DAB1: variants seen among roughly 807,000 people sequenced by gnomAD.
The protein encoded by DAB1 is DAB adaptor protein 1.
DAB1 carries 15 observed loss-of-function variants against 64.6 expected under a neutral mutation model. The ratio of observed to expected loss-of-function variants is 0.23; its 90% CI spans 0.16 to 0.36. The LOEUF (loss-of-function observed/expected upper bound fraction) is 0.36. Ranked by LOEUF, DAB1 falls within the 10% of genes least tolerant of loss-of-function variation. DAB1 has a pLI of 1.00. For synonymous variants in DAB1, 235 were observed against 251.9 expected, an observed-to-expected ratio of 0.93 and a Z score of 0.64; for missense variants, 596 against 706.7, an observed-to-expected ratio of 0.84 and a Z score of 1.78.
At chr1:57,823,482 G>C (rs1652212935), downstream of DAB1, among the ~76,000 whole-genome samples, 1 of 152,046 alleles carries the variant, frequency 6.6e-6, no homozygotes. Flanking sequence ...TTCTGGAGAA[G>C]ACGAAGCAGG....
chr1:57,837,848 C>A lies in DAB1; in HGVS notation n.88-11393G>T, dbSNP rs1020197108. Among the ~76,000 whole-genome samples the A allele has an allele frequency of 2.7e-5, 4 of 147,072 alleles. No homozygotes were observed. The Admixed American group carries it at 2.8e-4, about 10-fold the overall frequency. On this transcript the variant is annotated intron_variant and non_coding_transcript_variant, in intron 1 of 1. Coordinates refer to the DAB1 transcript ENST00000477280. ...CCTCCGCCCCCACCACCATTACTAC[C>A]ACCATCTCCACCATTTCCGCTCCCA...
chr1:57,085,593 G>A (rs1345357615), intron 4 of DAB1, among the ~76,000 whole-genome samples: 5 of 152,206 alleles, frequency 3.3e-5, no homozygotes, highest in Admixed American at 3.3e-4. Context: ...AGGGAGGTCA[G>A]GTGTCTTTGT....
At chr1:58,424,280 A>G (rs1419893334) in intron 3 of DAB1, among the ~76,000 whole-genome samples, 2 of 152,220 alleles carry the variant, frequency 1.3e-5, no homozygotes, top group Non-Finnish European at 2.9e-5. Flanking sequence ...TGAGTGGATG[A>G]GGCCCACCCA....
chr1:57,499,237 G>C (rs1644263383), intron 7 of DAB1, among the ~76,000 whole-genome samples: 1 of 152,194 alleles, frequency 6.6e-6, no homozygotes, highest in South Asian at 2.1e-4. Context: ...GCCTCCCAAA[G>C]TGCCAGGATT....
At chr1:58,250,218 C>T (rs1235712689) in intron 4 of DAB1, among the ~76,000 whole-genome samples, 1 of 152,194 alleles carries the variant, frequency 6.6e-6, no homozygotes, top group Non-Finnish European at 1.5e-5. Context: ...CCGCGGCGGG[C>T]GGGCGCAACA....
intron 5 of DAB1, among the ~76,000 whole-genome samples, 177 bp downstream of exon 5, chr1:57,072,106 C>A (rs537421889): frequency 6.7e-6 from 1 of 150,270 alleles, no homozygotes; most frequent in African/African-American, 2.4e-5. Context: ...TGGGTATGAG[C>A]ATGTTTCCTT....
chr1:57,877,343 G>A (rs1293727282), intron 1 of DAB1, among the ~76,000 whole-genome samples: 9 of 152,022 alleles, frequency 5.9e-5, no homozygotes, highest in Admixed American at 3.3e-4. Context: ...CTGAGTTTGC[G>A]TAAGTCTTGA....
intron 4 of DAB1, among the ~76,000 whole-genome samples, chr1:57,130,257 T>C (rs557166508): frequency 1.3e-5 from 2 of 152,308 alleles, no homozygotes; most frequent in South Asian, 4.1e-4. Flanking sequence ...CTCTGCACTA[T>C]TCTAAGTCTT....
chr1:58,231,184 G>A lies in DAB1; in HGVS notation n.310-80596C>T, dbSNP rs549518355. Among the ~76,000 whole-genome samples, 13 of 152,314 alleles carry A rather than the reference G, an allele frequency of 8.5e-5. No homozygotes were observed. In the East Asian group the frequency reaches 2.1e-3, roughly 25 times the overall value. On this transcript the variant is annotated intron_variant and non_coding_transcript_variant, in intron 4 of 20. Coordinates refer to the DAB1 transcript ENST00000485760. ...ATTGTATATATGAGGAAACTGAGTCGAGAGAGTGTGAGTGAGTGAATTAGC... is the reference window on the plus strand; with the variant it reads ...ATTGTATATATGAGGAAACTGAGTCAAGAGAGTGTGAGTGAGTGAATTAGC...
chr1:57,808,367 G>A (rs924885694), intron 6 of DAB1, among the ~76,000 whole-genome samples: 5 of 152,066 alleles, frequency 3.3e-5, no homozygotes, highest in African/African-American at 9.7e-5. Flanking sequence ...CAGAGCACTC[G>A]GTACCCTGTA....
chr1:57,206,764 T>C (rs1174375452), intron 2 of DAB1, among the ~76,000 whole-genome samples: 2 of 152,120 alleles, frequency 1.3e-5, no homozygotes, highest in Admixed American at 6.5e-5. Flanking sequence ...AGGCAATATG[T>C]AGAAACAGAA....
intron 2 of DAB1, among the ~76,000 whole-genome samples, chr1:57,151,926 G>A (rs893309568): frequency 8.3e-5 from 12 of 144,776 alleles, no homozygotes; most frequent in South Asian, 2.2e-4. Context: ...CGATTCTCCC[G>A]CCTCAGCCTC....
intron 5 of DAB1, among the ~76,000 whole-genome samples, chr1:57,933,789 A>T (rs1457941451): frequency 6.6e-6 from 1 of 152,192 alleles, no homozygotes; most frequent in Admixed American, 6.5e-5. Context: ...CAGTTTTATA[A>T]GAAACTAACA....
At chr1:58,228,866 A>C (rs1659640081) in intron 4 of DAB1, 3 of 580,158 alleles carry the variant, frequency 5.2e-6, no homozygotes, top group African/African-American at 1.9e-5. Context: ...CCAGCAGGAC[A>C]GAGGCCCAGA....
intron 5 of DAB1, among the ~76,000 whole-genome samples, chr1:57,932,734 G>A (rs1359068841): frequency 6.6e-6 from 1 of 152,038 alleles, no homozygotes; most frequent in East Asian, 1.9e-4. Flanking sequence ...AAATCTGCTA[G>A]GCCCAAAATT....
intron 4 of DAB1, among the ~76,000 whole-genome samples, chr1:57,086,566 G>A (rs3754260): frequency 0.17 from 25,721 of 151,520 alleles, 2,890 homozygotes; most frequent in East Asian, 0.53. Flanking sequence ...CCTAATCCCT[G>A]CTTCCTGGTC....
intron 6 of DAB1, among the ~76,000 whole-genome samples, chr1:57,669,316 T>C (rs137901050): frequency 6.6e-6 from 1 of 152,272 alleles, no homozygotes; most frequent in Non-Finnish European, 1.5e-5. Flanking sequence ...TGTAAACTGA[T>C]ATTACACCTA....
chr1:57,842,834 C>T (rs890964005), intron 1 of DAB1, among the ~76,000 whole-genome samples: 1 of 152,194 alleles, frequency 6.6e-6, no homozygotes, highest in African/African-American at 2.4e-5. Context: ...CAGAGCCAAA[C>T]CATATCACTT....
At position 58,003,661 on chromosome 1, in the gene DAB1, G is replaced by C. The variant is rs114617251; in HGVS notation, n.388-119499C>G. Among the ~76,000 whole-genome samples the C allele has an allele frequency of 3.4e-3, 511 of 152,264 alleles. 5 individuals are homozygous for C. The highest frequency in any genetic ancestry group is 0.012 in the African/African-American group (493 of 41,552). On this transcript the variant is annotated intron_variant and non_coding_transcript_variant, in intron 5 of 20. Coordinates refer to the DAB1 transcript ENST00000485760. ...GGTCCACATCAATGCCTTCAACTTA[G>C]ATTGAAAGTCCACTGGGTCATTGCT...
Sources: allele counts gnomAD v4.1 joint callset (sites outside exome capture counted in the v4.1 genomes callset), GRCh38; gene constraint gnomAD v4.1.1; transcripts MANE v1.5; gene names NCBI Gene and HGNC (gene_info 2026-07-23, HGNC 2026-07-21).